Variants in TMEM135 observed in about 807,000 individuals in gnomAD.
The protein encoded by TMEM135 is transmembrane protein 135.
A neutral mutation model predicts 60.3 loss-of-function variants in TMEM135; 30 were observed. The observed-to-expected ratio is 0.50, with a 90% confidence interval of 0.37 to 0.68. The LOEUF (loss-of-function observed/expected upper bound fraction) is 0.68, where lower values mean the gene tolerates loss of function less well. Ranked by LOEUF, TMEM135 falls within the 30% of genes least tolerant of loss-of-function variation. The pLI, the probability that TMEM135 is intolerant of heterozygous loss-of-function variation, is 0.00. For synonymous variants in TMEM135, 190 were observed against 186.7 expected (o/e 1.02, Z -0.14); for missense variants, 468 against 548.8 (o/e 0.85, Z 1.47).
intron 4 of TMEM135, among the ~76,000 whole-genome samples, chr11:87,149,349 CCT>C (rs1938493858): frequency 2.0e-5 from 3 of 152,246 alleles, no homozygotes; most frequent in South Asian, 4.1e-4. Flanking sequence ...TACTCTCACC[CCT>C]GTCCTTAAGC....
At position 87,099,423 on chromosome 11, in the gene TMEM135, A is replaced by G. The variant is rs547565558; in HGVS notation, c.396+8028A>G. Among the ~76,000 whole-genome samples, 13 of 152,266 alleles carry G rather than the reference A, an allele frequency of 8.5e-5. No homozygotes were observed. In the South Asian group the frequency reaches 2.5e-3, roughly 29 times the overall value. On this transcript the variant is annotated intron_variant, in intron 4 of 14. Transcript: ENST00000305494. ...ACCCATTTTCCCCCAATGGTAGCAT[A>G]TCGCAAAACTATAATATAATATAAT...
intron 5 of TMEM135, among the ~76,000 whole-genome samples, chr11:87,174,301 T>C (rs1347780547): frequency 2.0e-5 from 3 of 152,136 alleles, no homozygotes; most frequent in Non-Finnish European, 4.4e-5. Context: ...CTATTGCCAT[T>C]GAAATATACT....
intron 8 of TMEM135, among the ~76,000 whole-genome samples, chr11:87,303,646 C>T (rs1352719229): frequency 6.6e-6 from 1 of 152,090 alleles, no homozygotes; most frequent in Non-Finnish European, 1.5e-5. Context: ...GCACAGGGAG[C>T]GTACTCAAAT....
intron 6 of TMEM135, among the ~76,000 whole-genome samples, chr11:87,245,344 G>A (rs200790863): frequency 0.45 from 32,543 of 71,582 alleles, 8,962 homozygotes; most frequent in Middle Eastern, 0.58. Context: ...TGGGGTGGAG[G>A]GTTCTGTAGA....
At chr11:87,315,954 C>A (rs545992911) in intron 12 of TMEM135, among the ~76,000 whole-genome samples, 1 of 152,092 alleles carries the variant, frequency 6.6e-6, no homozygotes, top group African/African-American at 2.4e-5. Flanking sequence ...TGATAGCTTT[C>A]TTGCTGTAAG....
At chr11:87,129,114 C>T (rs1322615842) in intron 4 of TMEM135, among the ~76,000 whole-genome samples, 6 of 148,210 alleles carry the variant, frequency 4.0e-5, no homozygotes, top group Non-Finnish European at 7.4e-5. Flanking sequence ...CTACTTTGCT[C>T]GTAAAAAAAA....
intron 1 of TMEM135, among the ~76,000 whole-genome samples, chr11:87,066,781 T>G (rs1420794039): frequency 7.2e-6 from 1 of 139,598 alleles, no homozygotes; most frequent in Non-Finnish European, 1.6e-5. Context: ...ACTAGATTCT[T>G]TCTTTTTTTT....
At chr11:87,179,537 G>A (rs1249466144) in intron 5 of TMEM135, among the ~76,000 whole-genome samples, 1 of 152,054 alleles carries the variant, frequency 6.6e-6, no homozygotes, top group Admixed American at 6.6e-5. Flanking sequence ...TATGGTGTGA[G>A]ATACTCTGGT....
At chr11:87,079,107 G>A (rs1856932488) in intron 3 of TMEM135, among the ~76,000 whole-genome samples, 1 of 152,124 alleles carries the variant, frequency 6.6e-6, no homozygotes, top group Admixed American at 6.5e-5. Context: ...CCTGGTTCAA[G>A]CAATTCTTCT....
At chr11:87,281,868 A>T (rs918173124) in intron 6 of TMEM135, among the ~76,000 whole-genome samples, 2 of 152,240 alleles carry the variant, frequency 1.3e-5, no homozygotes, top group African/African-American at 4.8e-5. Flanking sequence ...CTAAGGTACA[A>T]AATGAAGATT....
At chr11:87,249,771 A>G (rs1941373155) in intron 6 of TMEM135, among the ~76,000 whole-genome samples, 1 of 151,972 alleles carries the variant, frequency 6.6e-6, no homozygotes, top group Non-Finnish European at 1.5e-5. Context: ...ATTGACCTGT[A>G]GTTTTCTTTT....
At chr11:87,235,337 A>T (rs1940973394) in intron 5 of TMEM135, among the ~76,000 whole-genome samples, 1 of 151,742 alleles carries the variant, frequency 6.6e-6, no homozygotes, top group Admixed American at 6.6e-5. Flanking sequence ...GCACAGAAAG[A>T]TTTTATAGAT....
At chr11:87,200,564 T>A (rs1940071239) in intron 5 of TMEM135, among the ~76,000 whole-genome samples, 3 of 152,136 alleles carry the variant, frequency 2.0e-5, no homozygotes, top group Non-Finnish European at 1.5e-5. Context: ...ATGATCAACA[T>A]CCACTCCAGA....
chr11:87,113,912 G>A (rs532276639), intron 4 of TMEM135, among the ~76,000 whole-genome samples: 22 of 152,024 alleles, frequency 1.4e-4, no homozygotes, highest in African/African-American at 4.6e-4. Flanking sequence ...TATAAAAGAC[G>A]TACTAGTGCA....
intron 5 of TMEM135, among the ~76,000 whole-genome samples, chr11:87,222,352 G>A (rs1421638663): frequency 1.4e-5 from 2 of 143,914 alleles, no homozygotes; most frequent in African/African-American, 2.6e-5. Flanking sequence ...AAAAAAATTC[G>A]CTGGGCGTGG....
chr11:87,060,275 T>A (rs11234937), intron 1 of TMEM135, among the ~76,000 whole-genome samples: 12,943 of 152,252 alleles, frequency 0.085, 608 homozygotes, highest in East Asian at 0.17. Flanking sequence ...CTTTCCTCTT[T>A]ATTTTTTTGT....
At chr11:87,270,374 C>G (rs960101102) in intron 6 of TMEM135, among the ~76,000 whole-genome samples, 3 of 151,966 alleles carry the variant, frequency 2.0e-5, no homozygotes, top group Non-Finnish European at 4.4e-5. Context: ...TCAATTTTGG[C>G]TTTTGTTGCC....
intron 5 of TMEM135, among the ~76,000 whole-genome samples, chr11:87,188,091 A>G (rs1939697750): frequency 6.8e-6 from 1 of 147,414 alleles, no homozygotes; most frequent in Non-Finnish European, 1.5e-5. Flanking sequence ...TCCCTTACAG[A>G]ACCCCCTTTG....
At chr11:87,073,629 A>G (rs1333844732) in intron 3 of TMEM135, among the ~76,000 whole-genome samples, 1 of 152,214 alleles carries the variant, frequency 6.6e-6, no homozygotes, top group Non-Finnish European at 1.5e-5. Flanking sequence ...CATTACTTGA[A>G]AAATGAAAAT....
Sources: gnomAD v4.1 joint callset for allele counts (sites outside exome capture counted in the v4.1 genomes callset) on GRCh38, gnomAD v4.1.1 for gene constraint, MANE v1.5 for transcripts, NCBI Gene and HGNC (gene_info 2026-07-23, HGNC 2026-07-21) for gene names.